The following FER variants were observed in gnomAD, a reference collection of about 807,000 sequenced individuals.
FER encodes tyrosine-protein kinase Fer.
FER carries 63 observed loss-of-function variants against 111.0 expected under a neutral mutation model. The ratio of observed to expected loss-of-function variants is 0.57; its 90% CI spans 0.46 to 0.70. The LOEUF is 0.70. Ranked by LOEUF, FER falls within the 30% of genes least tolerant of loss-of-function variation. FER has a pLI of 0.00. For missense variants in FER, 914 were observed against 954.0 expected (o/e 0.96, Z 0.55); for synonymous variants, 327 against 313.9 (o/e 1.04, Z -0.44).
intron 3 of FER, among the ~76,000 whole-genome samples, chr5:108,808,287 G>A (rs1396791999): frequency 6.6e-6 from 1 of 151,966 alleles, no homozygotes. Flanking sequence ...GTGCTTCAAT[G>A]TTGGGTGCAT....
At chr5:109,006,629 A>C (rs1335102450) in intron 13 of FER, among the ~76,000 whole-genome samples, 1 of 152,192 alleles carries the variant, frequency 6.6e-6, no homozygotes, top group Non-Finnish European at 1.5e-5. Context: ...TGATGAAATT[A>C]GCTCTCTTAG....
At position 108,999,693 on chromosome 5, in the gene FER, T is replaced by A. The variant is rs571326634; in HGVS notation, c.1657-37729T>A. Among the ~76,000 whole-genome samples the A allele has an allele frequency of 4.9e-5, 6 of 122,742 alleles. No individual in the cohort carries two copies. In the Admixed American group the frequency reaches 5.9e-4, roughly 12 times the overall value. The allele number at this position is 122,742 out of a possible 152,430, so 80.5% of individuals were successfully genotyped here. On this transcript the variant is annotated intron_variant, in intron 13 of 19. Coordinates refer to ENST00000281092, the MANE Select transcript of FER (RefSeq NM_005246.4). ...AAAGAGTTTTCATTTATGTACACCTTTACCATTCTTACTATTTTTTTTTTT... is the reference window on the plus strand; with the variant it reads ...AAAGAGTTTTCATTTATGTACACCTATACCATTCTTACTATTTTTTTTTTT...
intron 17 of FER, among the ~76,000 whole-genome samples, chr5:109,140,454 G>C (rs113926873): frequency 1.3e-5 from 2 of 152,164 alleles, no homozygotes; most frequent in Non-Finnish European, 2.9e-5. Flanking sequence ...ATGATCAGTG[G>C]TGTGTTGCTA....
intron 17 of FER, among the ~76,000 whole-genome samples, chr5:109,118,427 T>G (rs1750548917): frequency 6.6e-6 from 1 of 152,208 alleles, no homozygotes; most frequent in Non-Finnish European, 1.5e-5. Flanking sequence ...ATTGAGGATT[T>G]TTGCATCAAT....
Position 109,187,938 on chromosome 5 carries a change from AC to A in FER, c.*366del. The A allele has an allele frequency of 4.2e-6, 1 of 235,590 alleles. No individual in the cohort carries two copies. The highest frequency in any genetic ancestry group is 8.2e-6 in the Non-Finnish European group (1 of 122,452). The allele number at this position is 235,590 out of a possible 1,614,324, so 14.6% of individuals were successfully genotyped here. A position where few individuals can be genotyped will look rare whatever the true frequency, so the allele number is the denominator to read the frequency against. ...TGTAGGCTGCCATCCTATGCCACAG[AC>A]CCTACTCCGTTGGTGCTATAAACAG... On this transcript the variant is annotated 3_prime_UTR_variant, in exon 20 of 20. Coordinates refer to ENST00000281092, the MANE Select transcript of FER (RefSeq NM_005246.4).
intron 13 of FER, among the ~76,000 whole-genome samples, chr5:109,000,573 C>G (rs986983160): frequency 2.0e-5 from 3 of 151,870 alleles, no homozygotes; most frequent in Admixed American, 6.6e-5. Flanking sequence ...AATTGACACC[C>G]TAACATCACA....
intron 10 of FER, among the ~76,000 whole-genome samples, chr5:108,916,352 A>T (rs937853535): frequency 6.6e-6 from 1 of 152,156 alleles, no homozygotes; most frequent in Non-Finnish European, 1.5e-5. Flanking sequence ...GATTCATTCC[A>T]AATTGTTGAT....
chr5:108,788,527 C>A, intron 2 of FER, among the ~76,000 whole-genome samples: 1 of 139,864 alleles, frequency 7.1e-6, no homozygotes. Flanking sequence ...TCCTGCGACA[C>A]TAATATCTTT....
At chr5:109,187,285 A>G (rs1758986657) in intron 19 of FER, 148 bp from the exon 20 acceptor site, 1 of 730,538 alleles carries the variant, frequency 1.4e-6, no homozygotes, top group Non-Finnish European at 2.2e-6. Context: ...GTAGAAAATA[A>G]AAACTCAGCC....
chr5:108,903,691 T>C (rs1750359557), intron 10 of FER, among the ~76,000 whole-genome samples: 1 of 152,274 alleles, frequency 6.6e-6, no homozygotes, highest in Non-Finnish European at 1.5e-5. Context: ...AGCTTCTATT[T>C]CAGTTTTTCT....
intron 17 of FER, among the ~76,000 whole-genome samples, chr5:109,150,584 C>T (rs1754725394): frequency 6.6e-6 from 1 of 152,174 alleles, no homozygotes; most frequent in African/African-American, 2.4e-5. Context: ...GGTCAGCAAA[C>T]ACAGCCATAG....
chr5:109,088,227 G>T (rs1777777431), intron 16 of FER, among the ~76,000 whole-genome samples: 1 of 151,902 alleles, frequency 6.6e-6, no homozygotes, highest in Admixed American at 6.6e-5. Flanking sequence ...TTCTTCTTTT[G>T]TTTTTAAAAC....
At chr5:108,877,350 A>G (rs1269202349) in intron 8 of FER, among the ~76,000 whole-genome samples, 2 of 152,190 alleles carry the variant, frequency 1.3e-5, no homozygotes, top group Non-Finnish European at 1.5e-5. Context: ...TGTCGGAAGG[A>G]CCGTTTGATT....
At chr5:109,112,157 GTTAAA>G (rs985158066) in intron 17 of FER, among the ~76,000 whole-genome samples, 1 of 151,586 alleles carries the variant, frequency 6.6e-6, no homozygotes, top group Non-Finnish European at 1.5e-5. Flanking sequence ...TTTTTTTTAG[GTTAAA>G]TTAAAATAAG....
chr5:109,002,160 G>T (rs1764867486), intron 13 of FER, among the ~76,000 whole-genome samples: 2 of 151,200 alleles, frequency 1.3e-5, no homozygotes, highest in Non-Finnish European at 3.0e-5. Context: ...AGCCCGCATT[G>T]CCAAGTCACT....
At chr5:109,075,785 T>A (rs981759295) in intron 16 of FER, among the ~76,000 whole-genome samples, 1 of 152,198 alleles carries the variant, frequency 6.6e-6, no homozygotes, top group African/African-American at 2.4e-5. Context: ...TAATCGTGGT[T>A]GGAAGCTAAT....
At chr5:109,124,608 GTT>G (rs1751439084) in intron 17 of FER, among the ~76,000 whole-genome samples, 1 of 151,916 alleles carries the variant, frequency 6.6e-6, no homozygotes, top group African/African-American at 2.4e-5. Context: ...TGTTGTTGTT[GTT>G]GTTGTTGTTG....
chr5:109,084,426 C>T (rs922890591), intron 16 of FER, among the ~76,000 whole-genome samples: 2 of 151,710 alleles, frequency 1.3e-5, no homozygotes, highest in Non-Finnish European at 2.9e-5. Context: ...GTGAATGTAC[C>T]TAACACTACT....
At position 108,858,997 on chromosome 5, in the gene FER, G is replaced by A. The variant is rs1432137789; in HGVS notation, c.482-8770G>A. The stretch of plus-strand genomic sequence containing the variant: ...TGATTGGAGATATGAATTCCCAAAA[G>A]TGTGATATAAATTCCAAGAAGTGTG... On this transcript the variant is annotated intron_variant, in intron 5 of 19. Coordinates refer to ENST00000281092, the MANE Select transcript of FER (RefSeq NM_005246.4). Among the ~76,000 whole-genome samples, 3 of 152,046 alleles carry A rather than the reference G, an allele frequency of 2.0e-5. No homozygotes were observed. The East Asian group carries it at 5.8e-4, about 29-fold the overall frequency.
Sources: allele counts gnomAD v4.1 joint callset (sites outside exome capture counted in the v4.1 genomes callset), GRCh38; gene constraint gnomAD v4.1.1; transcripts MANE v1.5; gene names NCBI Gene and HGNC (gene_info 2026-07-23, HGNC 2026-07-21).